The following CUX2 variants were observed in gnomAD, a reference collection of about 807,000 sequenced individuals.
CUX2 encodes the protein cut like homeobox 2.
CUX2 carries 40 observed loss-of-function variants against 144.8 expected under a neutral mutation model. The observed-to-expected ratio is 0.28, with a 90% CI of 0.21 to 0.36. The LOEUF (loss-of-function observed/expected upper bound fraction) is 0.36, where lower values mean the gene tolerates loss of function less well. CUX2 is among the 10% of genes least tolerant of loss of function. CUX2 has a pLI of 1.00. For synonymous variants in CUX2, 827 were observed against 875.6 expected (o/e 0.94, Z 0.98); for missense variants, 1,615 against 1,994.0 (o/e 0.81, Z 3.62).
intron 1 of CUX2, among the ~76,000 whole-genome samples, chr12:111,191,800 C>G (rs570367198): frequency 3.3e-5 from 5 of 152,210 alleles, no homozygotes; most frequent in African/African-American, 9.6e-5. Flanking sequence ...GGGACCCCCC[C>G]ACTTTGTTCA....
rs1002152273 is a variant in CUX2, at chr12:111,204,623, C to T, written c.64-9577C>T. 3.0e-4 allele frequency among the ~76,000 whole-genome samples: 45 copies of T among 152,298 alleles called. 1 individual carries two copies. The highest frequency in any genetic ancestry group is 1.0e-3 in the African/African-American group (43 of 41,564). Reference sequence around the variant, plus strand: ...CACTTCCTCGCCGTGTGATGTGGGACGAGTGGCTTTGTCTCTCTGCAGGTA... The same window carrying T: ...CACTTCCTCGCCGTGTGATGTGGGATGAGTGGCTTTGTCTCTCTGCAGGTA... On this transcript the variant is annotated intron_variant, in intron 1 of 21. Transcript: ENST00000261726.
chr12:111,042,335 T>A (rs1271905816), intron 1 of CUX2, among the ~76,000 whole-genome samples: 1 of 152,192 alleles, frequency 6.6e-6, no homozygotes, highest in Non-Finnish European at 1.5e-5. Context: ...AGTGGGGCCA[T>A]CACTCCTAGG....
Position 111,318,238 on chromosome 12 carries a change from C to CTTT in CUX2, c.2003-1770_2003-1768dup, listed in dbSNP as rs955839240. On this transcript the variant is annotated intron_variant, in intron 16 of 21. Coordinates refer to ENST00000261726, the MANE Select transcript of CUX2 (RefSeq NM_015267.4). ...CACCATGCCTGGCTAATTTTTTTTT[C>CTTT]TTTTTTCTTTTTTTTTTTTTTTTCA... Among the ~76,000 whole-genome samples the CTTT allele has an allele frequency of 4.2e-4, 46 of 109,636 alleles. 2 individuals are homozygous for CTTT. Among genetic ancestry groups the CTTT allele is most frequent in the East Asian group, 1.9e-3 (3 of 1,614 alleles). The allele number at this position is 109,636 out of a possible 152,430, so 71.9% of individuals were successfully genotyped here.
chr12:111,244,503 G>A (rs998744617), intron 3 of CUX2, among the ~76,000 whole-genome samples: 6 of 152,340 alleles, frequency 3.9e-5, no homozygotes, highest in South Asian at 2.1e-4. Flanking sequence ...AGCAAGTTCC[G>A]TTACCTCTAG....
chr12:111,194,538 G>A (rs1162064302), intron 1 of CUX2, among the ~76,000 whole-genome samples: 3 of 152,188 alleles, frequency 2.0e-5, no homozygotes, highest in Non-Finnish European at 4.4e-5. Context: ...ACCCTGCTGG[G>A]CCCACAGTTC....
chr12:111,046,839 T>C lies in CUX2; in HGVS notation c.63+12599T>C, dbSNP rs148982558. 6.6e-5 allele frequency among the ~76,000 whole-genome samples: 10 copies of C among 152,270 alleles called. No individual in the cohort carries two copies. In the East Asian group the frequency reaches 1.9e-3, roughly 29 times the overall value. Reference sequence around the variant, plus strand: ...GCCTGGCTGATTTTTGTATTTTCAGTAGAGACGGGGTTTCACCACGTCGGC... The same window carrying C: ...GCCTGGCTGATTTTTGTATTTTCAGCAGAGACGGGGTTTCACCACGTCGGC... On this transcript the variant is annotated intron_variant, in intron 1 of 21. Transcript: ENST00000261726.
chr12:111,043,068 T>TA (rs1869825671), intron 1 of CUX2, among the ~76,000 whole-genome samples: 1 of 152,142 alleles, frequency 6.6e-6, no homozygotes, highest in Non-Finnish European at 1.5e-5. Flanking sequence ...ATTCACCACT[T>TA]ACGGTATAAA....
At chr12:111,115,060 T>G (rs73413558) in intron 1 of CUX2, among the ~76,000 whole-genome samples, 2,306 of 152,272 alleles carry the variant, frequency 0.015, 51 homozygotes, top group African/African-American at 0.051. Flanking sequence ...ACTTTATTGA[T>G]TACTATATCT....
chr12:111,088,944 T>A (rs1475416695), intron 1 of CUX2, among the ~76,000 whole-genome samples: 1 of 152,184 alleles, frequency 6.6e-6, no homozygotes, highest in East Asian at 1.9e-4. Context: ...TGCCTGCTCC[T>A]GAGTGAGCTG....
chr12:111,155,284 G>C (rs1175175823), intron 1 of CUX2, among the ~76,000 whole-genome samples: 2 of 152,068 alleles, frequency 1.3e-5, no homozygotes, highest in Non-Finnish European at 2.9e-5. Context: ...AGTTCATACA[G>C]TAGTCTTGAG....
intron 14 of CUX2, among the ~76,000 whole-genome samples, 180 bp downstream of exon 14, chr12:111,308,706 C>T (rs1303796991): frequency 8.5e-5 from 13 of 152,208 alleles, no homozygotes; most frequent in Admixed American, 4.6e-4. Flanking sequence ...CAAACACCCA[C>T]GTCATCGTTG....
chr12:111,308,579 G>T, intron 14 of CUX2, 53 bp downstream of exon 14: 2 of 1,484,890 alleles, frequency 1.3e-6, no homozygotes, highest in East Asian at 2.4e-5. Context: ...GCTGCCTGTG[G>T]GTCTCTGGCC....
chr12:111,317,008 T>G (rs978454169), intron 16 of CUX2, among the ~76,000 whole-genome samples: 1 of 152,212 alleles, frequency 6.6e-6, no homozygotes, highest in East Asian at 1.9e-4. Context: ...TCTGGCCTCT[T>G]TCACTCAGCC....
chr12:111,087,182 C>T (rs1482581013), intron 1 of CUX2, among the ~76,000 whole-genome samples: 3 of 151,492 alleles, frequency 2.0e-5, no homozygotes, highest in East Asian at 3.9e-4. Flanking sequence ...ATGGTGAAAC[C>T]CTGTCTCTAC....
Position 111,230,086 on chromosome 12 carries a change from G to A in CUX2, c.222+12149G>A, listed in dbSNP as rs116381869. Among the ~76,000 whole-genome samples, 677 of 151,616 alleles carry A rather than the reference G, an allele frequency of 4.5e-3. 3 individuals are homozygous for A. The highest frequency in any genetic ancestry group is 0.016 in the African/African-American group (652 of 41,296). Reference sequence around the variant, plus strand: ...GAGGATTGCTTGAGACCAGCAGGTCGAGGCTGCAACAGTGAGCCATTATCA... The same window carrying A: ...GAGGATTGCTTGAGACCAGCAGGTCAAGGCTGCAACAGTGAGCCATTATCA... On this transcript the variant is annotated intron_variant, in intron 3 of 21. Coordinates refer to ENST00000261726, the MANE Select transcript of CUX2 (RefSeq NM_015267.4).
chr12:111,259,692 C>T (rs928235810), intron 3 of CUX2, among the ~76,000 whole-genome samples: 1 of 151,036 alleles, frequency 6.6e-6, no homozygotes, highest in Non-Finnish European at 1.5e-5. Flanking sequence ...GTTGAAACCC[C>T]GTCTCTACTA....
Position 111,298,134 on chromosome 12 carries a change from C to G in CUX2, c.705-407C>G, listed in dbSNP as rs540279731. Among the ~76,000 whole-genome samples, 14 of 152,316 alleles carry G rather than the reference C, an allele frequency of 9.2e-5. No homozygotes were observed. The South Asian group carries it at 2.9e-3, about 32-fold the overall frequency. On this transcript the variant is annotated intron_variant, in intron 8 of 21. Transcript: ENST00000261726. Reference sequence around the variant, plus strand: ...GAGGGGATGCCTCTCCCAAGCCCCTCCATGCTGGCAGCCTGCAGGGGGCTG... The same window carrying G: ...GAGGGGATGCCTCTCCCAAGCCCCTGCATGCTGGCAGCCTGCAGGGGGCTG...
chr12:111,044,324 G>T (rs1234109278), intron 1 of CUX2, among the ~76,000 whole-genome samples: 1 of 152,072 alleles, frequency 6.6e-6, no homozygotes, highest in Non-Finnish European at 1.5e-5. Flanking sequence ...TTTCCTGGTT[G>T]CCTGTCCTTA....
chr12:111,241,355 A>G (rs1303601578), intron 3 of CUX2, among the ~76,000 whole-genome samples: 1 of 152,180 alleles, frequency 6.6e-6, no homozygotes, highest in Non-Finnish European at 1.5e-5. Context: ...AAACTTCAAC[A>G]TGAGTTTTGA....
Sources: gnomAD v4.1 joint callset for allele counts (sites outside exome capture counted in the v4.1 genomes callset) on GRCh38, gnomAD v4.1.1 for gene constraint, MANE v1.5 for transcripts, NCBI Gene and HGNC (gene_info 2026-07-23, HGNC 2026-07-21) for gene names.